Variants in MBIP observed in about 807,000 individuals in gnomAD.
MBIP encodes the protein MAP3K12-binding inhibitory protein 1.
MBIP carries 32 observed loss-of-function variants against 45.7 expected under a neutral mutation model. The ratio of observed to expected loss-of-function variants is 0.70; its 90% CI spans 0.53 to 0.94. The LOEUF is 0.94. MBIP is among the 40% of genes least tolerant of loss of function. MBIP has a pLI of 0.00. For synonymous variants in MBIP, 145 were observed against 141.0 expected (o/e 1.03, Z -0.20); for missense variants, 381 against 405.5 (o/e 0.94, Z 0.52).
In MBIP at chr14:36,304,029, CAA is replaced by C. The variant is rs151289241; in HGVS notation, c.889-3208_889-3207del. ...TTGTGCTCCAATGATACTAGAAGTG[CAA>C]ACTGGTTAGTGTGACCTTCAAGGCC... On this transcript the variant is annotated intron_variant, in intron 7 of 8. Coordinates refer to ENST00000416007, the MANE Select transcript of MBIP (RefSeq NM_016586.3). Among the ~76,000 whole-genome samples the C allele has an allele frequency of 4.9e-3, 746 of 152,240 alleles. 6 individuals carry two copies. Among genetic ancestry groups the C allele is most frequent in the African/African-American group, 0.017 (686 of 41,518 alleles).
In MBIP at chr14:36,299,038, C is replaced by T. The variant is rs1481141865; in HGVS notation, c.*45G>A. The T allele has an allele frequency of 1.5e-6, 2 of 1,295,010 alleles. No homozygotes were observed. Among genetic ancestry groups the T allele is most frequent in the East Asian group, 2.3e-5 (1 of 43,254 alleles). The allele number at this position is 1,295,010 out of a possible 1,614,324, so 80.2% of individuals were successfully genotyped here. The stretch of plus-strand genomic sequence containing the variant: ...TGAATTAATAACAGTGTAAGTTACA[C>T]ATATGTATACAAAAAAGTAAAATGA... On this transcript the variant is annotated 3_prime_UTR_variant, in exon 9 of 9. Transcript: ENST00000416007.
intron 4 of MBIP, among the ~76,000 whole-genome samples, chr14:36,313,068 A>T (rs2139225776): frequency 6.6e-6 from 1 of 152,120 alleles, no homozygotes. Flanking sequence ...TTCTGTTGAT[A>T]AATCAAATAG....
intron 7 of MBIP, among the ~76,000 whole-genome samples, chr14:36,306,348 G>A (rs995037352): frequency 1.2e-4 from 19 of 152,074 alleles, no homozygotes; most frequent in African/African-American, 4.3e-4. Context: ...TAAGCCTCCT[G>A]GGTTCAAGCG....
chr14:36,317,592 A>G (rs898237021), intron 1 of MBIP, among the ~76,000 whole-genome samples: 3 of 152,124 alleles, frequency 2.0e-5, no homozygotes, highest in Non-Finnish European at 2.9e-5. Flanking sequence ...ATAAAATCAT[A>G]TCCAGAAAAC....
rs1245382569 is a variant in MBIP at position 36,314,739 on chromosome 14, CTG to C, written c.424_425del (p.Gln142AspfsTer4). The C allele has an allele frequency of 4.3e-6, 7 of 1,613,496 alleles. No homozygotes were observed. Among genetic ancestry groups the C allele is most frequent in the Non-Finnish European group, 8.5e-7 (1 of 1,179,740 alleles). Reference protein sequence around the residue: ...ESDLRDVKKTQIHFDPEVVQI... With the variant: ...ESDLRDVKKTXIHFDPEVVQI... Reference sequence around the variant, plus strand: ...GAACTACTTCTGGATCAAAATGGATCTGTGTCTTTTTCACATCTCTTAAATCA... The same window carrying C: ...GAACTACTTCTGGATCAAAATGGATCTGTCTTTTTCACATCTCTTAAATCA... On this transcript the variant is annotated frameshift_variant, in exon 3 of 9. Transcript: ENST00000416007. LOFTEE classifies it high-confidence loss of function.
chr14:36,300,978 C>T (rs535675560), intron 7 of MBIP, 155 bp from the exon 8 acceptor site: 1 of 513,776 alleles, frequency 1.9e-6, no homozygotes, highest in African/African-American at 2.0e-5. Flanking sequence ...TAACCAACAT[C>T]TACCTTATAT....
At chr14:36,300,278 A>G (rs1025012105) in intron 8 of MBIP, among the ~76,000 whole-genome samples, 4 of 152,232 alleles carry the variant, frequency 2.6e-5, no homozygotes, top group Non-Finnish European at 5.9e-5. Context: ...GAATTTTACA[A>G]GAAAAAAATA....
At position 36,320,549 on chromosome 14, in the gene MBIP, C is replaced by T. The variant is rs1262610464; in HGVS notation, c.40G>A (p.Asp14Asn). ...ATELNRPSSG[D>N]RNLERRCRPN... ...CTGCATCTTCGCTCCAGGTTCCTGT[C>T]ACCGCTGCTCGGGCGATTAAGCTCC... Residue 14 changes from aspartate (D) to asparagine (N), a missense_variant, in exon 1 of 9, where the codon GAC becomes AAC. Transcript: ENST00000416007. 1.9e-6 allele frequency: 3 copies of T among 1,613,616 alleles called. No homozygotes were observed. Among genetic ancestry groups the T allele is most frequent in the Non-Finnish European group, 2.5e-6 (3 of 1,179,772 alleles).
At position 36,301,033 on chromosome 14, in the gene MBIP, T is replaced by C. The variant is rs1879515868; in HGVS notation, c.889-210A>G. 3 of 350,178 alleles carry C rather than the reference T, an allele frequency of 8.6e-6. No homozygotes were observed. In the East Asian group the frequency reaches 1.4e-4, roughly 16 times the overall value. The allele number at this position is 350,178 out of a possible 1,614,324, so 21.7% of individuals were successfully genotyped here. A position where few individuals can be genotyped will look rare whatever the true frequency, so the allele number is the denominator to read the frequency against. Reference sequence around the variant, plus strand: ...AGAGGATGACGTTAACAATATATAATAGTAATATTGCAGCAACATGCTCAT... The same window carrying C: ...AGAGGATGACGTTAACAATATATAACAGTAATATTGCAGCAACATGCTCAT... On this transcript the variant is annotated intron_variant, in intron 7 of 8. Transcript: ENST00000416007.
chr14:36,318,897 T>C (rs1439066179), intron 1 of MBIP, among the ~76,000 whole-genome samples: 1 of 152,074 alleles, frequency 6.6e-6, no homozygotes, highest in African/African-American at 2.4e-5. Context: ...CTCTTAACAC[T>C]TCTCAAAATA....
chr14:36,318,975 G>A (rs991193402), intron 1 of MBIP, among the ~76,000 whole-genome samples: 1 of 151,966 alleles, frequency 6.6e-6, no homozygotes, highest in Admixed American at 6.6e-5. Context: ...TTGTATAGGA[G>A]GTCCCTTCAC....
intron 5 of MBIP, 71 bp from the exon 6 acceptor site, chr14:36,311,796 C>G: frequency 1.5e-6 from 2 of 1,352,456 alleles, no homozygotes; most frequent in Non-Finnish European, 2.0e-6. Context: ...TCCTTAACAG[C>G]ACTTTATATT....
At chr14:36,319,389 T>C (rs1028780299) in intron 1 of MBIP, among the ~76,000 whole-genome samples, 1 of 152,196 alleles carries the variant, frequency 6.6e-6, no homozygotes, top group Non-Finnish European at 1.5e-5. Flanking sequence ...TTAAAAGTTA[T>C]ATCTTTAAGC....
chr14:36,315,404 C>T (rs1015103875), intron 2 of MBIP, among the ~76,000 whole-genome samples: 11 of 152,212 alleles, frequency 7.2e-5, no homozygotes, highest in Admixed American at 6.5e-4. Flanking sequence ...AGATTCTCCA[C>T]TTGAAACTGC....
chr14:36,314,376 C>T, intron 4 of MBIP, 136 bp downstream of exon 4: 1 of 614,126 alleles, frequency 1.6e-6, no homozygotes, highest in Non-Finnish European at 2.8e-6. Flanking sequence ...ACTCTACTGT[C>T]TTAATTACTA....
At position 36,320,523 on chromosome 14, in the gene MBIP, T is replaced by A. The variant is rs3168891; in HGVS notation, c.66A>T (p.Arg22Ser). 1.9e-6 allele frequency: 3 copies of A among 1,613,956 alleles called. No homozygotes were observed. Among genetic ancestry groups the A allele is most frequent in the Non-Finnish European group, 2.5e-6 (3 of 1,179,982 alleles). ...SGDRNLERRCRPNLSREVLYE... is the reference protein window; with the variant it reads ...SGDRNLERRCSPNLSREVLYE... ...AGAGCACCTCTCGGGAGAGGTTGGG[T>A]CTGCATCTTCGCTCCAGGTTCCTGT... Residue 22 changes from arginine (R) to serine (S), a missense_variant, in exon 1 of 9, where the codon AGA becomes AGT. Arg to Ser is a moderately radical substitution (Grantham distance 110, BLOSUM62 -1). Coordinates refer to ENST00000416007, the MANE Select transcript of MBIP (RefSeq NM_016586.3).
rs569718432 is a variant in MBIP at position 36,311,569 on chromosome 14, T to C, written c.790+4A>G. On this transcript the variant is annotated splice_donor_region_variant and intron_variant, in intron 6 of 8. Coordinates refer to ENST00000416007, the MANE Select transcript of MBIP (RefSeq NM_016586.3). ...TATGAGGTGCCACTTAGCACTTTGC[T>C]TACCTGTCTGTAACCGCAAGTGGGC... The C allele has an allele frequency of 8.1e-6, 13 of 1,607,244 alleles. No individual in the cohort carries two copies. In the African/African-American group the frequency reaches 1.6e-4, roughly 20 times the overall value.
Position 36,311,739 on chromosome 14 carries a change from C to T in MBIP, c.638-14G>A. ...CAACTCTAGAAACTAAATTAAGAAACTTTTGAGCCTATATACATTTGTATT... is the reference window on the plus strand; with the variant it reads ...CAACTCTAGAAACTAAATTAAGAAATTTTTGAGCCTATATACATTTGTATT... On this transcript the variant is annotated splice_polypyrimidine_tract_variant and intron_variant, in intron 5 of 8. Coordinates refer to ENST00000416007, the MANE Select transcript of MBIP (RefSeq NM_016586.3). 3 of 1,580,414 alleles carry T rather than the reference C, an allele frequency of 1.9e-6. No individual in the cohort carries two copies. Among genetic ancestry groups the T allele is most frequent in the Non-Finnish European group, 2.6e-6 (3 of 1,164,654 alleles).
chr14:36,301,755 T>C (rs1206016297), intron 7 of MBIP, among the ~76,000 whole-genome samples: 1 of 152,272 alleles, frequency 6.6e-6, no homozygotes, highest in African/African-American at 2.4e-5. Flanking sequence ...GATCCACTAA[T>C]GAGCCTTTTA....
Sources: gnomAD v4.1 joint callset for allele counts (sites outside exome capture counted in the v4.1 genomes callset) on GRCh38, gnomAD v4.1.1 for gene constraint, MANE v1.5 for transcripts, NCBI Gene and HGNC (gene_info 2026-07-23, HGNC 2026-07-21) for gene names.